The following USP6 variants were observed in gnomAD, a reference collection of about 807,000 sequenced individuals.
The protein encoded by USP6 is ubiquitin carboxyl-terminal hydrolase 6.
USP6 carries 128 observed loss-of-function variants against 175.7 expected under a neutral mutation model. The ratio of observed to expected loss-of-function variants is 0.73; its 90% CI spans 0.63 to 0.84. USP6 has a LOEUF of 0.84. Ranked by LOEUF, USP6 falls within the 40% of genes least tolerant of loss-of-function variation. The pLI is 0.00. For synonymous variants in USP6, 562 were observed against 630.6 expected (o/e 0.89, Z 1.63); for missense variants, 1,498 against 1,760.3 (o/e 0.85, Z 2.67).
intron 33 of USP6, among the ~76,000 whole-genome samples, chr17:5,166,325 G>C (rs569726798): frequency 6.6e-6 from 1 of 152,146 alleles, no homozygotes; most frequent in Non-Finnish European, 1.5e-5. Context: ...TGCTAGAACC[G>C]TAACTGCATG....
intron 4 of USP6, among the ~76,000 whole-genome samples, chr17:5,124,307 C>G (rs1283808410): frequency 6.6e-6 from 1 of 152,196 alleles, no homozygotes; most frequent in Non-Finnish European, 1.5e-5. Flanking sequence ...TACCACCCCC[C>G]ACCCAACCAC....
chr17:5,138,100 T>C, intron 20 of USP6, 21 bp from the exon 21 acceptor site: 1 of 1,613,950 alleles, frequency 6.2e-7, no homozygotes, highest in Non-Finnish European at 8.5e-7. Flanking sequence ...TCTCCTGGCC[T>C]GATATCCACC....
At chr17:5,148,523 C>T in intron 29 of USP6, 33 bp from the exon 30 acceptor site, 3 of 1,610,472 alleles carry the variant, frequency 1.9e-6, no homozygotes, top group Non-Finnish European at 2.5e-6. Flanking sequence ...ATACCACAAG[C>T]TTATGATGCT....
chr17:5,173,711 A>C lies in USP6; in HGVS notation c.*733A>C, dbSNP rs892709967. The C allele has an allele frequency of 5.5e-5, 12 of 217,206 alleles. No individual in the cohort carries two copies. In the Admixed American group the frequency reaches 7.0e-4, roughly 13 times the overall value. 13.5% of individuals were successfully genotyped at this position (217,206 alleles called of 1,614,324 possible). A position where few individuals can be genotyped will look rare whatever the true frequency, so the allele number is the denominator to read the frequency against. ...GAAATCCAGCTACCAGGGCCCTCCC[A>C]GTGGAGGCATCTTACATTTAGGCTA... On this transcript the variant is annotated 3_prime_UTR_variant, in exon 38 of 38. Transcript: ENST00000574788.
chr17:5,146,121 G>A lies in USP6; in HGVS notation c.2266G>A (p.Gly756Arg). ...AAAAAAACAGCTGAGGGATCTCTGT[G>A]GACTTAATTCAGAACAAATCCTACT... ...GLKKQLRDLC[G>R]LNSEQILLAE... The change falls in exon 28 of 38, where the codon GGA (glycine) becomes AGA (arginine). Residue 756 changes from glycine (G) to arginine (R), a missense_variant. Physicochemically the swap from Gly to Arg is moderately radical, Grantham distance 125. This residue lies in a region of USP6 where 1,217 missense variants were observed against 1,500.8 expected (regional missense o/e 0.81). Coordinates refer to ENST00000574788, the MANE Select transcript of USP6 (RefSeq NM_001304284.2). 6.2e-7 allele frequency: 1 copy of A among 1,612,896 alleles called. No homozygotes were observed. Among genetic ancestry groups the A allele is most frequent in the South Asian group, 1.1e-5 (1 of 90,950 alleles).
At chr17:5,154,663 A>G (rs1266760644) in intron 30 of USP6, among the ~76,000 whole-genome samples, 1 of 152,188 alleles carries the variant, frequency 6.6e-6, no homozygotes, top group Non-Finnish European at 1.5e-5. Flanking sequence ...TGCCACTCCA[A>G]CAACCACTAT....
At chr17:5,136,983 G>C (rs1484091315) in intron 18 of USP6, 138 bp from the exon 19 acceptor site, 2 of 1,177,070 alleles carry the variant, frequency 1.7e-6, no homozygotes, top group Non-Finnish European at 2.5e-6. Flanking sequence ...CCGGGAGTGT[G>C]GGAAGGGGAC....
Position 5,130,088 on chromosome 17 carries a change from A to C in USP6, c.-3A>C. The C allele has an allele frequency of 2.2e-6, 1 of 446,420 alleles. No homozygotes were observed. The allele number at this position is 446,420 out of a possible 1,614,324, so 27.7% of individuals were successfully genotyped here. On this transcript the variant is annotated splice_region_variant and 5_prime_UTR_variant, in exon 9 of 38. Coordinates refer to ENST00000574788, the MANE Select transcript of USP6 (RefSeq NM_001304284.2). ...TGGACACCATTCAACCTGCCGGGGC[A>C]GGTGTGTGCCCATTTCATGGCATAT...
intron 25 of USP6, among the ~76,000 whole-genome samples, chr17:5,144,238 A>G (rs185655116): frequency 1.3e-5 from 2 of 152,104 alleles, no homozygotes; most frequent in South Asian, 2.1e-4. Flanking sequence ...AAAATAATAT[A>G]TACACATATT....
chr17:5,170,993 T>C (rs562787308), intron 36 of USP6, 78 bp downstream of exon 36: 114 of 1,516,346 alleles, frequency 7.5e-5, no homozygotes, highest in Middle Eastern at 4.8e-4. Context: ...TCAGCAAGTA[T>C]TTTTCAGGTC....
chr17:5,172,195 G>C (rs1411958183), intron 37 of USP6, among the ~76,000 whole-genome samples: 4 of 148,714 alleles, frequency 2.7e-5, no homozygotes, highest in African/African-American at 9.9e-5. Context: ...AAAAAAAGTA[G>C]TTAGTTAATG....
At chr17:5,154,344 T>TA (rs1431026132) in intron 30 of USP6, among the ~76,000 whole-genome samples, 2 of 152,164 alleles carry the variant, frequency 1.3e-5, no homozygotes, top group Non-Finnish European at 2.9e-5. Flanking sequence ...CTTAGAGAAT[T>TA]AAATATTCAA....
rs79249265 is a variant in USP6 at position 5,154,722 on chromosome 17, T to C, written c.2644-700T>C. Among the ~76,000 whole-genome samples, 83 of 150,126 alleles carry C rather than the reference T, an allele frequency of 5.5e-4. 1 individual carries two copies. The highest frequency in any genetic ancestry group is 6.0e-4 in the Admixed American group (9 of 15,094). On this transcript the variant is annotated intron_variant, in intron 30 of 37. Coordinates refer to ENST00000574788, the MANE Select transcript of USP6 (RefSeq NM_001304284.2). ...ATAGTTGAGATAGTCTTTTTTTTTTTCCCCCCACTGGCATCTTTTCATTTC... is the reference window on the plus strand; with the variant it reads ...ATAGTTGAGATAGTCTTTTTTTTTTCCCCCCCACTGGCATCTTTTCATTTC...
At chr17:5,149,161 G>C (rs1341423109) in intron 30 of USP6, among the ~76,000 whole-genome samples, 1 of 152,092 alleles carries the variant, frequency 6.6e-6, no homozygotes, top group African/African-American at 2.4e-5. Flanking sequence ...CCAGCACTTT[G>C]GGAGGCTGAA....
Position 5,136,630 on chromosome 17 carries a change from G to A in USP6, c.665-10G>A, listed in dbSNP as rs2073262477. On this transcript the variant is annotated splice_polypyrimidine_tract_variant and intron_variant, in intron 17 of 37. Transcript: ENST00000574788. ...GGCTCTGATTTCATGATGGGCTGGGGGCTTCTCAGGATTCCACAGCCCAAA... is the reference window on the plus strand; with the variant it reads ...GGCTCTGATTTCATGATGGGCTGGGAGCTTCTCAGGATTCCACAGCCCAAA... 1 of 1,611,436 alleles carries A rather than the reference G, an allele frequency of 6.2e-7. No homozygotes were observed. Among genetic ancestry groups the A allele is most frequent in the South Asian group, 1.1e-5 (1 of 90,992 alleles).
At chr17:5,166,079 C>G (rs1050456098) in intron 33 of USP6, among the ~76,000 whole-genome samples, 1 of 152,150 alleles carries the variant, frequency 6.6e-6, no homozygotes, top group African/African-American at 2.4e-5. Flanking sequence ...ATGATACACC[C>G]CTTTTTCTAC....
At chr17:5,124,368 C>G (rs916279260) in intron 4 of USP6, among the ~76,000 whole-genome samples, 198 bp from the exon 5 acceptor site, 1 of 152,186 alleles carries the variant, frequency 6.6e-6, no homozygotes, top group African/African-American at 2.4e-5. Context: ...CCCAGAGGGC[C>G]CAGCCCCAGC....
In USP6 at chr17:5,168,811, A is replaced by G. The variant is rs147896374; in HGVS notation, c.3273A>G (p.Ile1091Met). 39 of 1,609,364 alleles carry G rather than the reference A, an allele frequency of 2.4e-5. No individual in the cohort carries two copies. Among genetic ancestry groups the G allele is most frequent in the Non-Finnish European group, 3.3e-5 (39 of 1,177,934 alleles). Reference protein sequence around the residue: ...KRFQFVNDQWIKSQKIVRFLR... With the variant: ...KRFQFVNDQWMKSQKIVRFLR... ...TTCAATTTGTAAATGATCAGTGGAT[A>G]AAATCACAGAAAATTGTCAGATTTC... The change falls in exon 35 of 38, where the codon ATA becomes ATG. Residue 1091 changes from isoleucine (I) to methionine (M), a missense_variant. Ile to Met is a conservative substitution (Grantham distance 10). Around this residue, in one of 2 missense-constraint regions of USP6, gnomAD observed 1,217 missense variants for 1,500.8 expected, o/e 0.81. Transcript: ENST00000574788.
chr17:5,137,019 G>T (rs750643552), intron 18 of USP6, 102 bp from the exon 19 acceptor site: 8 of 1,328,732 alleles, frequency 6.0e-6, no homozygotes, highest in East Asian at 2.3e-5. Context: ...TCTGGACACC[G>T]CCCAGTGTTC....
Sources: allele counts gnomAD v4.1 joint callset (sites outside exome capture counted in the v4.1 genomes callset), GRCh38; gene constraint gnomAD v4.1.1; regional missense constraint gnomAD v4.1.1; transcripts MANE v1.5; gene names NCBI Gene and HGNC (gene_info 2026-07-23, HGNC 2026-07-21).